The following GABRG3 variants were observed in gnomAD, a reference collection of about 807,000 sequenced individuals.
GABRG3 encodes the protein gamma-aminobutyric acid receptor subunit gamma-3.
Under a neutral mutation model 48.8 loss-of-function variants are expected in GABRG3, and 25 were observed. The ratio of observed to expected loss-of-function variants is 0.51; its 90% CI spans 0.37 to 0.72. The LOEUF (loss-of-function observed/expected upper bound fraction) is 0.72, where lower values mean the gene tolerates loss of function less well. GABRG3 is among the 30% of genes least tolerant of loss of function. The pLI is 0.00. For synonymous variants in GABRG3, 227 were observed against 217.6 expected, an observed-to-expected ratio of 1.04 and a Z score of -0.38; for missense variants, 394 against 577.9, an observed-to-expected ratio of 0.68 and a Z score of 3.26.
At chr15:27,159,083 C>T (rs1461497290) in intron 3 of GABRG3, among the ~76,000 whole-genome samples, 2 of 152,030 alleles carry the variant, frequency 1.3e-5, no homozygotes. Context: ...TCTCCTCCCT[C>T]TTCCTCCACG....
Position 27,326,905 on chromosome 15 carries a change from G to C in GABRG3, c.367G>C (p.Val123Leu). 3.1e-6 allele frequency: 5 copies of C among 1,613,980 alleles called. No individual in the cohort carries two copies. Among genetic ancestry groups the C allele is most frequent in the Non-Finnish European group, 4.2e-6 (5 of 1,179,886 alleles). The change falls in exon 4 of 10, where the codon GTG (valine) becomes CTG (leucine). Residue 123 changes from valine (V) to leucine (L), a missense_variant. Coordinates refer to ENST00000615808, the MANE Select transcript of GABRG3 (RefSeq NM_033223.5). Reference protein sequence around the residue: ...MKILTLNSNMVGLIWIPDTIF... With the variant: ...MKILTLNSNMLGLIWIPDTIF... ...AATTCTTACTCTGAACAGCAACATG[G>C]TGGGGTTAATCTGGATCCCAGACAC... is the stretch of plus-strand genomic sequence containing the variant.
At chr15:27,519,454 T>C (rs11635983) in intron 6 of GABRG3, among the ~76,000 whole-genome samples, 84,853 of 151,958 alleles carry the variant, frequency 0.56, 23,834 homozygotes, top group East Asian at 0.67. Context: ...ATCAGATAAA[T>C]ATACATACAT....
At chr15:27,062,511 G>A (rs1231284538) in intron 3 of GABRG3, among the ~76,000 whole-genome samples, 1 of 149,852 alleles carries the variant, frequency 6.7e-6, no homozygotes, top group Non-Finnish European at 1.5e-5. Context: ...AGGAGGCTGA[G>A]GCAGGAGAAT....
intron 5 of GABRG3, among the ~76,000 whole-genome samples, chr15:27,341,734 C>T (rs984946743): frequency 3.9e-5 from 6 of 152,148 alleles, no homozygotes; most frequent in African/African-American, 1.4e-4. Context: ...GCTATTGTTA[C>T]CCCATTATTG....
chr15:27,488,237 C>T (rs1355036137), intron 6 of GABRG3, among the ~76,000 whole-genome samples: 1 of 152,198 alleles, frequency 6.6e-6, no homozygotes, highest in Non-Finnish European at 1.5e-5. Flanking sequence ...TCAGGAGCCG[C>T]TCCCACGTCC....
intron 3 of GABRG3, among the ~76,000 whole-genome samples, chr15:27,230,373 A>G (rs929548806): frequency 1.4e-4 from 22 of 152,226 alleles, no homozygotes; most frequent in African/African-American, 5.1e-4. Flanking sequence ...TCTACCTGTC[A>G]GAATGTCACT....
chr15:27,317,501 C>T (rs1893271491), intron 3 of GABRG3, among the ~76,000 whole-genome samples: 1 of 152,228 alleles, frequency 6.6e-6, no homozygotes, highest in Non-Finnish European at 1.5e-5. Flanking sequence ...AGACTTCCTT[C>T]AGAGGGGCTT....
chr15:27,258,452 C>T (rs2140464797), intron 3 of GABRG3, among the ~76,000 whole-genome samples: 1 of 152,228 alleles, frequency 6.6e-6, no homozygotes, highest in East Asian at 1.9e-4. Flanking sequence ...TTTCCAGAGT[C>T]TCTGCACCCT....
chr15:27,534,235 T>TG lies in GABRG3; in HGVS notation c.*1356dup, dbSNP rs1291787878. ...ACTTTAGATGCAAAAAAATGGGCAATGGTGATCATCAAGTACATATTTTGA... is the reference window on the plus strand; with the variant it reads ...ACTTTAGATGCAAAAAAATGGGCAATGGGTGATCATCAAGTACATATTTTGA... On this transcript the variant is annotated 3_prime_UTR_variant, in exon 10 of 10. Coordinates refer to ENST00000615808, the MANE Select transcript of GABRG3 (RefSeq NM_033223.5). The TG allele has an allele frequency of 1.3e-5, 2 of 152,116 alleles. No homozygotes were observed. Among genetic ancestry groups the TG allele is most frequent in the Non-Finnish European group, 2.9e-5 (2 of 68,030 alleles). 9.4% of individuals were successfully genotyped at this position (152,116 alleles called of 1,614,324 possible). A position where few individuals can be genotyped will look rare whatever the true frequency, so the allele number is the denominator to read the frequency against.
chr15:27,338,506 T>A lies in GABRG3; in HGVS notation c.574+9618T>A, dbSNP rs577846384. Among the ~76,000 whole-genome samples, 75 of 152,310 alleles carry A rather than the reference T, an allele frequency of 4.9e-4. 2 individuals are homozygous for A. Among genetic ancestry groups the A allele is most frequent in the Admixed American group, 2.0e-3 (31 of 15,298 alleles). ...TTAAGTTCATTGCTATTAAGTTTGA[T>A]TCAGACGCTGGTTCACGGCACTCGC... On this transcript the variant is annotated intron_variant, in intron 5 of 9. Transcript: ENST00000615808.
intron 5 of GABRG3, among the ~76,000 whole-genome samples, chr15:27,398,721 ATAAT>A (rs1433991226): frequency 6.6e-6 from 1 of 152,126 alleles, no homozygotes; most frequent in Non-Finnish European, 1.5e-5. Context: ...AAGACATTGT[ATAAT>A]TAAGTAATAT....
At chr15:27,213,088 A>C (rs530443629) in intron 3 of GABRG3, among the ~76,000 whole-genome samples, 1 of 152,094 alleles carries the variant, frequency 6.6e-6, no homozygotes. Flanking sequence ...AAGAAAATGC[A>C]TTTGGGCCAA....
chr15:27,528,153 A>C (rs1891326631), intron 9 of GABRG3, among the ~76,000 whole-genome samples, 161 bp downstream of exon 9: 1 of 152,202 alleles, frequency 6.6e-6, no homozygotes, highest in South Asian at 2.1e-4. Flanking sequence ...TAAAAATCCA[A>C]CTTTGACAAT....
chr15:27,330,610 A>C (rs937791079), intron 5 of GABRG3, among the ~76,000 whole-genome samples: 6 of 152,264 alleles, frequency 3.9e-5, no homozygotes, highest in Admixed American at 6.5e-5. Flanking sequence ...GTGCACATGG[A>C]CTTACACAAT....
chr15:27,121,769 G>A (rs117672980), intron 3 of GABRG3, among the ~76,000 whole-genome samples: 49 of 152,330 alleles, frequency 3.2e-4, no homozygotes, highest in Non-Finnish European at 6.0e-4. Flanking sequence ...TATAAGATCT[G>A]TTTGGCTAAT....
In GABRG3 at chr15:27,263,189, C is replaced by T. The variant is rs142801940; in HGVS notation, c.271-63620C>T. Among the ~76,000 whole-genome samples, 655 of 152,292 alleles carry T rather than the reference C, an allele frequency of 4.3e-3. 9 individuals carry two copies. The highest frequency in any genetic ancestry group is 0.015 in the African/African-American group (613 of 41,562). On this transcript the variant is annotated intron_variant, in intron 3 of 9. Coordinates refer to ENST00000615808, the MANE Select transcript of GABRG3 (RefSeq NM_033223.5). ...AAAGAAATCGATGAGAAATTTACCA[C>T]TAGGGCTTATACGGAGAAACAAAGG...
chr15:27,026,337 C>T lies in GABRG3; in HGVS notation c.203-417C>T, dbSNP rs934102783. Among the ~76,000 whole-genome samples, 25 of 152,282 alleles carry T rather than the reference C, an allele frequency of 1.6e-4. 1 individual carries two copies. Among genetic ancestry groups the T allele is most frequent in the African/African-American group, 5.5e-4 (23 of 41,576 alleles). ...ATGTGGTGGACACATAACCCAACAA[C>T]GTCACTGACATTGCTCCTCTCTTGT... On this transcript the variant is annotated intron_variant, in intron 2 of 9. Coordinates refer to ENST00000615808, the MANE Select transcript of GABRG3 (RefSeq NM_033223.5).
In GABRG3 at chr15:27,319,198, A is replaced by G. The variant is rs1893336210; in HGVS notation, c.271-7611A>G. On this transcript the variant is annotated intron_variant, in intron 3 of 9. Transcript: ENST00000615808. This position sits in a 1 kb window ranked among gnomAD's most constrained non-coding sequence, Gnocchi z 4.4. ...GAACATAGAGAATTTTTATTTGTCA[A>G]TTCTAGCTCAGTAAAGCCAGGGGGA... 5.3e-5 allele frequency among the ~76,000 whole-genome samples: 8 copies of G among 152,182 alleles called. No individual in the cohort carries two copies. The highest frequency in any genetic ancestry group is 5.2e-4 in the Admixed American group (8 of 15,278).
intron 5 of GABRG3, among the ~76,000 whole-genome samples, chr15:27,374,479 A>G (rs1002120773): frequency 3.9e-5 from 6 of 152,258 alleles, no homozygotes; most frequent in South Asian, 2.1e-4. Context: ...TCTATCTAAT[A>G]TTTTATTTGC....
Sources: allele counts gnomAD v4.1 joint callset (sites outside exome capture counted in the v4.1 genomes callset), GRCh38; gene constraint gnomAD v4.1.1; non-coding constraint Gnocchi (gnomAD v3.1); transcripts MANE v1.5; gene names NCBI Gene and HGNC (gene_info 2026-07-23, HGNC 2026-07-21).